Variants in RYR1 observed in about 807,000 individuals in gnomAD.
RYR1 encodes central core disease of muscle.
A neutral mutation model predicts 583.5 loss-of-function variants in RYR1; 342 were observed. The observed-to-expected ratio is 0.59, with a 90% CI of 0.54 to 0.64. RYR1 has a LOEUF of 0.64. Ranked by LOEUF, RYR1 falls within the 30% of genes least tolerant of loss-of-function variation. The probability of loss-of-function intolerance (pLI) is 0.00; values close to 1 mark genes in which losing one functional copy is unlikely to be tolerated. For missense variants in RYR1, 6,032 were observed against 6,917.2 expected (o/e 0.87, Z 4.54); for synonymous variants, 2,791 against 2,822.5 (o/e 0.99, Z 0.35).
chr19:38,477,004 C>A (rs1246654019), intron 29 of RYR1, among the ~76,000 whole-genome samples: 1 of 148,792 alleles, frequency 6.7e-6, no homozygotes. Flanking sequence ...GCACTCCAGC[C>A]TGGATGACAG....
intron 18 of RYR1, among the ~76,000 whole-genome samples, chr19:38,458,561 A>G (rs1044433633): frequency 6.6e-6 from 1 of 152,212 alleles, no homozygotes; most frequent in Middle Eastern, 3.4e-3. Flanking sequence ...GATTACTGTG[A>G]TCTCTGATCT....
chr19:38,469,436 C>T lies in RYR1; in HGVS notation c.3688C>T (p.Gln1230Ter), dbSNP rs1186905126. ...EGFEPFAINMQRPVTTWFSKG... is the reference protein window; with the variant it reads ...EGFEPFAINM ...CTTCGAGCCATTTGCCATCAACATG[C>T]AGCGCCCAGTCACCACCTGGTTCAG... is the stretch of plus-strand genomic sequence containing the variant. Residue 1230 changes from glutamine (Q) to a stop codon, truncating the protein, a stop_gained, in exon 27 of 106, where the codon CAG becomes TAG. Coordinates refer to ENST00000359596, the MANE Select transcript of RYR1 (RefSeq NM_000540.3). LOFTEE classifies it high-confidence loss of function. The T allele has an allele frequency of 2.5e-6, 4 of 1,613,986 alleles. No homozygotes were observed. Among genetic ancestry groups the T allele is most frequent in the Non-Finnish European group, 3.4e-6 (4 of 1,179,998 alleles).
intron 87 of RYR1, among the ~76,000 whole-genome samples, chr19:38,544,089 G>GT (rs1347051992): frequency 1.3e-5 from 2 of 152,086 alleles, no homozygotes; most frequent in Non-Finnish European, 2.9e-5. Context: ...CAATCAGCTG[G>GT]TTTTCCATCC....
At chr19:38,505,715 G>A in intron 53 of RYR1, 91 bp from the exon 54 acceptor site, 1 of 1,508,830 alleles carries the variant, frequency 6.6e-7, no homozygotes, top group Non-Finnish European at 9.1e-7. Flanking sequence ...CCATTGCCTA[G>A]CCACATGGTC....
chr19:38,581,865 C>G (rs1284698649), intron 101 of RYR1, among the ~76,000 whole-genome samples: 2 of 152,110 alleles, frequency 1.3e-5, no homozygotes, highest in African/African-American at 4.8e-5. Context: ...ACCTCGGCCT[C>G]CCAAAGTGCT....
At chr19:38,485,428 C>T (rs1236412283) in intron 33 of RYR1, among the ~76,000 whole-genome samples, 162 bp from the exon 34 acceptor site, 1 of 152,164 alleles carries the variant, frequency 6.6e-6, no homozygotes, top group Non-Finnish European at 1.5e-5. Context: ...CCCATCTTCT[C>T]CCAGGATGGG....
chr19:38,551,802 C>T (rs942101363), intron 89 of RYR1, among the ~76,000 whole-genome samples: 7 of 152,154 alleles, frequency 4.6e-5, no homozygotes, highest in African/African-American at 1.4e-4. Context: ...CCCAGCTGAT[C>T]CCTCCTAGCC....
intron 66 of RYR1, among the ~76,000 whole-genome samples, chr19:38,518,419 A>G (rs917550990): frequency 3.2e-4 from 49 of 151,456 alleles, no homozygotes; most frequent in East Asian, 3.1e-3. Context: ...AAAAAAAAAA[A>G]AAAAGAAATA....
At chr19:38,441,705 G>C (rs1972694274) in intron 2 of RYR1, among the ~76,000 whole-genome samples, 1 of 151,592 alleles carries the variant, frequency 6.6e-6, no homozygotes, top group South Asian at 2.1e-4. Flanking sequence ...AGGAGGGGCA[G>C]GGGCTGGCAG....
In RYR1 at chr19:38,444,556, C is replaced by T; in HGVS notation, c.538-28C>T. Reference sequence around the variant, plus strand: ...CTCTCGCCCACCCCTGCAATCGTCTCTGACTGCCGCATCCTGGTGGCCCCC... The same window carrying T: ...CTCTCGCCCACCCCTGCAATCGTCTTTGACTGCCGCATCCTGGTGGCCCCC... On this transcript the variant is annotated intron_variant, in intron 6 of 105. Transcript: ENST00000359596. This position sits in a 1 kb window ranked among gnomAD's most constrained non-coding sequence, Gnocchi z 5.1. 6.2e-7 allele frequency: 1 copy of T among 1,605,516 alleles called. No individual in the cohort carries two copies. The highest frequency in any genetic ancestry group is 8.5e-7 in the Non-Finnish European group (1 of 1,174,026).
In RYR1 at chr19:38,499,559, T is replaced by C; in HGVS notation, c.7028-76T>C. 6.7e-7 allele frequency: 1 copy of C among 1,492,256 alleles called. No individual in the cohort carries two copies. The highest frequency in any genetic ancestry group is 9.1e-7 in the Non-Finnish European group (1 of 1,093,508). 92.4% of individuals were successfully genotyped at this position (1,492,256 alleles called of 1,614,324 possible). ...ATGGGACCTGTGTTACCCCTGGAGGTGTTGGGTCCTGGGGCTGCATGGGGA... is the reference window on the plus strand; with the variant it reads ...ATGGGACCTGTGTTACCCCTGGAGGCGTTGGGTCCTGGGGCTGCATGGGGA... On this transcript the variant is annotated intron_variant, in intron 43 of 105. Coordinates refer to ENST00000359596, the MANE Select transcript of RYR1 (RefSeq NM_000540.3). This position sits in a 1 kb window ranked among gnomAD's most constrained non-coding sequence, Gnocchi z 7.3.
At chr19:38,549,235 C>T (rs1972559148) in intron 89 of RYR1, among the ~76,000 whole-genome samples, 1 of 152,120 alleles carries the variant, frequency 6.6e-6, no homozygotes, top group South Asian at 2.1e-4. Flanking sequence ...TCCTAACTCT[C>T]CATCTTTTCT....
intron 16 of RYR1, among the ~76,000 whole-genome samples, chr19:38,456,545 G>C (rs958238429): frequency 6.6e-5 from 10 of 151,568 alleles, no homozygotes; most frequent in African/African-American, 2.4e-4. Flanking sequence ...GCCTCCCAAA[G>C]TGCTGGGATT....
At position 38,504,986 on chromosome 19, in the gene RYR1, C is replaced by T. The variant is rs750599901; in HGVS notation, c.8232-17C>T. On this transcript the variant is annotated splice_polypyrimidine_tract_variant and intron_variant, in intron 51 of 105. Transcript: ENST00000359596. Reference sequence around the variant, plus strand: ...GAACCCCAGCTCCAACATCTGCTGACCCTGTGCCCCCAACAGTGTGATCAT... The same window carrying T: ...GAACCCCAGCTCCAACATCTGCTGATCCTGTGCCCCCAACAGTGTGATCAT... 2 of 1,614,118 alleles carry T rather than the reference C, an allele frequency of 1.2e-6. No homozygotes were observed. The highest frequency in any genetic ancestry group is 2.2e-5 in the South Asian group (2 of 91,072).
chr19:38,581,645 C>G (rs1011310450), intron 101 of RYR1, among the ~76,000 whole-genome samples: 3 of 152,166 alleles, frequency 2.0e-5, no homozygotes, highest in Admixed American at 2.0e-4. Flanking sequence ...GTCACCCAGG[C>G]TGGAGTGCAG....
In RYR1 at chr19:38,527,685, G is replaced by T. The variant is rs765785570; in HGVS notation, c.10725G>T (p.Leu3575=). Residue 3575 remains leucine (L), a synonymous_variant, in exon 73 of 106, where the codon CTG becomes CTT. Coordinates refer to ENST00000359596, the MANE Select transcript of RYR1 (RefSeq NM_000540.3). ...CGTCTCTGCGCTGGCAGATGGCTCT[G>T]TACCGGGGCGTCCCGGGTCGCGAGG... is the stretch of plus-strand genomic sequence containing the variant. ...GSPSLRWQMA[L]YRGVPGREED... 1.2e-6 allele frequency: 2 copies of T among 1,614,060 alleles called. No individual in the cohort carries two copies. The highest frequency in any genetic ancestry group is 2.7e-5 in the African/African-American group (2 of 74,936).
chr19:38,478,661 T>G, intron 31 of RYR1, 61 bp downstream of exon 31: 314 of 1,570,142 alleles, frequency 2.0e-4, no homozygotes, highest in Non-Finnish European at 2.5e-4. Flanking sequence ...AGGACAGCTC[T>G]TATAGATGTC....
Position 38,490,120 on chromosome 19 carries a change from C to T in RYR1, c.5859C>T (p.His1953=). 1 of 1,614,226 alleles carries T rather than the reference C, an allele frequency of 6.2e-7. No individual in the cohort carries two copies. Among genetic ancestry groups the T allele is most frequent in the Non-Finnish European group, 8.5e-7 (1 of 1,180,048 alleles). ...ATTTCTGTGACCAAGAGCTGCAGCA[C>T]CGTGTGGAGTCCCTGGCAGCCTTTG... ...LEYFCDQELQ[H]RVESLAAFAE... Residue 1953 remains histidine (H), a synonymous_variant, in exon 36 of 106, where the codon CAC becomes CAT. Transcript: ENST00000359596.
At chr19:38,466,563 G>A (rs199818357) in intron 24 of RYR1, among the ~76,000 whole-genome samples, 165 bp downstream of exon 24, 4 of 148,858 alleles carry the variant, frequency 2.7e-5, no homozygotes, top group African/African-American at 1.0e-4. Flanking sequence ...GTGCAATGGC[G>A]CGATCTCTGC....
Sources: allele counts gnomAD v4.1 joint callset (sites outside exome capture counted in the v4.1 genomes callset), GRCh38; gene constraint gnomAD v4.1.1; non-coding constraint Gnocchi (gnomAD v3.1); transcripts MANE v1.5; gene names NCBI Gene and HGNC (gene_info 2026-07-23, HGNC 2026-07-21).